ROBO2: variants seen among roughly 807,000 people sequenced by gnomAD.
The protein encoded by ROBO2 is roundabout guidance receptor 2.
A neutral mutation model predicts 160.8 loss-of-function variants in ROBO2; 53 were observed. The observed-to-expected ratio is 0.33, with a 90% CI of 0.26 to 0.41. ROBO2 has a LOEUF of 0.41. Among genes scored for constraint, ROBO2 ranks in the 10% least tolerant of loss-of-function variants. The pLI is 1.00. For missense variants in ROBO2, 1,577 were observed against 1,722.4 expected, an observed-to-expected ratio of 0.92 and a Z score of 1.49; for synonymous variants, 664 against 611.7, an observed-to-expected ratio of 1.09 and a Z score of -1.26.
intron 2 of ROBO2, among the ~76,000 whole-genome samples, chr3:76,638,720 T>G (rs750675582): frequency 7.2e-5 from 11 of 152,206 alleles, no homozygotes; most frequent in Non-Finnish European, 1.5e-4. Context: ...CTTTAGCTTA[T>G]CAGTAGCCTT....
chr3:77,607,764 T>TG (rs1474721616), intron 20 of ROBO2, 34 bp from the exon 22 acceptor site: 3 of 1,596,150 alleles, frequency 1.9e-6, no homozygotes, highest in Non-Finnish European at 2.6e-6. Context: ...TTCTGCTATT[T>TG]GGCATCTCTG....
rs986190817 is a variant in ROBO2, at chr3:76,118,494, A to G, written c.109+180892A>G. On this transcript the variant is annotated intron_variant, in intron 2 of 26. Coordinates refer to the ROBO2 transcript ENST00000487694. The stretch of plus-strand genomic sequence containing the variant: ...CAAATGAGGGAGGGTTGATTAACAT[A>G]TGATGGAGATGAGATTCTCAGATTC... Among the ~76,000 whole-genome samples, 72 of 152,186 alleles carry G rather than the reference A, an allele frequency of 4.7e-4. 1 individual carries two copies. Among genetic ancestry groups the G allele is most frequent in the African/African-American group, 1.7e-3 (71 of 41,462 alleles).
chr3:76,998,219 A>G (rs567899143), intron 2 of ROBO2, among the ~76,000 whole-genome samples: 28 of 152,274 alleles, frequency 1.8e-4, no homozygotes, highest in African/African-American at 5.5e-4. Context: ...CTTTTGGAGG[A>G]CAAATTGATT....
At chr3:77,172,712 T>C (rs1401582025) in intron 2 of ROBO2, among the ~76,000 whole-genome samples, 1 of 152,196 alleles carries the variant, frequency 6.6e-6, no homozygotes, top group African/African-American at 2.4e-5. Flanking sequence ...TGGAGGTTAT[T>C]TCTGGTTGGG....
At chr3:76,460,155 C>A (rs565331845) in intron 2 of ROBO2, among the ~76,000 whole-genome samples, 3 of 151,420 alleles carry the variant, frequency 2.0e-5, no homozygotes, top group African/African-American at 4.8e-5. Flanking sequence ...TAAAAAAAAA[C>A]TGAGCACAAA....
At chr3:76,378,872 A>T (rs964559818) in intron 2 of ROBO2, among the ~76,000 whole-genome samples, 1 of 152,234 alleles carries the variant, frequency 6.6e-6, no homozygotes, top group Non-Finnish European at 1.5e-5. Flanking sequence ...TGGTTGCTGG[A>T]GCAAAAAAAT....
chr3:76,679,897 T>C (rs375599203), intron 2 of ROBO2, among the ~76,000 whole-genome samples: 14 of 152,144 alleles, frequency 9.2e-5, no homozygotes, highest in African/African-American at 3.1e-4. Context: ...TATTACAGAT[T>C]TAAATTAAGC....
chr3:76,406,472 T>G (rs570031805), intron 2 of ROBO2, among the ~76,000 whole-genome samples: 1 of 151,952 alleles, frequency 6.6e-6, no homozygotes, highest in African/African-American at 2.4e-5. Context: ...ATTCCATTTT[T>G]TTTCCCTTAA....
chr3:76,599,012 T>C (rs2086919742), intron 2 of ROBO2, among the ~76,000 whole-genome samples: 1 of 152,152 alleles, frequency 6.6e-6, no homozygotes, highest in Non-Finnish European at 1.5e-5. Context: ...ACCTCATCTT[T>C]AATTACGTTC....
intron 2 of ROBO2, among the ~76,000 whole-genome samples, chr3:76,272,647 A>G (rs889844585): frequency 2.1e-5 from 2 of 97,240 alleles, no homozygotes; most frequent in African/African-American, 6.4e-5. Flanking sequence ...TGGGCGAAAG[A>G]GCGAGACCCT....
intron 2 of ROBO2, among the ~76,000 whole-genome samples, chr3:77,448,754 T>C (rs901191739): frequency 2.8e-5 from 4 of 143,306 alleles, no homozygotes; most frequent in Non-Finnish European, 6.4e-5. Flanking sequence ...CATCCCTTAT[T>C]GAACTTTTGC....
chr3:77,645,878 T>C (rs1246703106), intron 25 of ROBO2, among the ~76,000 whole-genome samples, 176 bp from the exon 28 acceptor site: 1 of 152,150 alleles, frequency 6.6e-6, no homozygotes, highest in African/African-American at 2.4e-5. Context: ...TATAGTGTTT[T>C]CTTTCCTTTT....
chr3:77,214,698 G>A (rs2084682864), intron 2 of ROBO2, among the ~76,000 whole-genome samples: 1 of 152,178 alleles, frequency 6.6e-6, no homozygotes, highest in Admixed American at 6.5e-5. Flanking sequence ...AATTTGGCAT[G>A]TTTTTGCAGT....
At chr3:77,578,982 T>C (rs527950700) in intron 15 of ROBO2, among the ~76,000 whole-genome samples, 1 of 152,236 alleles carries the variant, frequency 6.6e-6, no homozygotes, top group South Asian at 2.1e-4. Flanking sequence ...AAGAGCTAAA[T>C]ATTCCTTCAC....
chr3:76,479,656 G>A (rs2079108861), intron 2 of ROBO2, among the ~76,000 whole-genome samples: 1 of 152,046 alleles, frequency 6.6e-6, no homozygotes. Context: ...TACAACTGAG[G>A]AAAAATTTTG....
At chr3:76,521,914 A>T (rs1480381176) in intron 2 of ROBO2, among the ~76,000 whole-genome samples, 1 of 152,214 alleles carries the variant, frequency 6.6e-6, no homozygotes, top group Non-Finnish European at 1.5e-5. Flanking sequence ...ACGTGGCAAT[A>T]TATTTCACTC....
Position 76,631,500 on chromosome 3 carries a change from C to T in ROBO2, c.110-466514C>T, listed in dbSNP as rs75099389. On this transcript the variant is annotated intron_variant, in intron 2 of 26. Coordinates refer to the ROBO2 transcript ENST00000487694. ...TAAGCACACAGCATTTGAGATGGAT[C>T]AAAGAGGGTATTATTCAAGTTCTGA... Among the ~76,000 whole-genome samples the T allele has an allele frequency of 4.5e-3, 676 of 151,638 alleles. 2 individuals carry two copies. The highest frequency in any genetic ancestry group is 8.3e-3 in the Non-Finnish European group (567 of 67,908).
intron 2 of ROBO2, among the ~76,000 whole-genome samples, chr3:77,181,377 T>C (rs1485053206): frequency 1.3e-5 from 2 of 152,264 alleles, no homozygotes; most frequent in Non-Finnish European, 1.5e-5. Flanking sequence ...TATTTCCATA[T>C]ATATTCCAAA....
At chr3:76,015,031 G>C (rs1451564548) in intron 2 of ROBO2, among the ~76,000 whole-genome samples, 1 of 152,076 alleles carries the variant, frequency 6.6e-6, no homozygotes, top group East Asian at 1.9e-4. Flanking sequence ...CCATAAATTG[G>C]TATCATTCTG....
Sources: allele counts gnomAD v4.1 joint callset (sites outside exome capture counted in the v4.1 genomes callset), GRCh38; gene constraint gnomAD v4.1.1; transcripts MANE v1.5; gene names NCBI Gene and HGNC (gene_info 2026-07-23, HGNC 2026-07-21).